The following GNAQ variants were observed in gnomAD, a reference collection of about 807,000 sequenced individuals.
GNAQ encodes guanine nucleotide-binding protein G(q) subunit alpha.
A neutral mutation model predicts 43.9 loss-of-function variants in GNAQ; 8 were observed. The observed-to-expected ratio is 0.18, with a 90% CI of 0.11 to 0.33. The LOEUF (loss-of-function observed/expected upper bound fraction) is 0.33. Ranked by LOEUF, GNAQ falls within the 10% of genes least tolerant of loss-of-function variation. GNAQ has a pLI of 1.00. For synonymous variants in GNAQ, 155 were observed against 170.7 expected (o/e 0.91, Z 0.71); for missense variants, 158 against 450.8 (o/e 0.35, Z 5.88).
intron 1 of GNAQ, among the ~76,000 whole-genome samples, chr9:77,932,317 T>C (rs1829163319): frequency 6.6e-6 from 1 of 152,216 alleles, no homozygotes; most frequent in South Asian, 2.1e-4. Context: ...TCTTCCAGTA[T>C]CAAGGATGCA....
chr9:78,007,006 T>C (rs561194396), intron 1 of GNAQ, among the ~76,000 whole-genome samples: 2 of 152,306 alleles, frequency 1.3e-5, no homozygotes, highest in South Asian at 2.1e-4. Context: ...ACTTAGCCAA[T>C]GCAAGTTCTT....
At chr9:77,757,707 T>A (rs1163775417) in intron 5 of GNAQ, among the ~76,000 whole-genome samples, 1 of 152,226 alleles carries the variant, frequency 6.6e-6, no homozygotes, top group East Asian at 1.9e-4. Context: ...CTACCATAAC[T>A]TTCTGGCTTC....
intron 1 of GNAQ, among the ~76,000 whole-genome samples, chr9:78,021,189 C>T (rs1295700436): frequency 1.3e-5 from 2 of 151,922 alleles, no homozygotes; most frequent in Non-Finnish European, 2.9e-5. Flanking sequence ...CCACGCCCAG[C>T]TAATTTTTGT....
chr9:77,806,031 GCCAGACAGATGCCAGGGCTGGGCT>G (rs1826824746), intron 3 of GNAQ, among the ~76,000 whole-genome samples: 1 of 152,198 alleles, frequency 6.6e-6, no homozygotes, highest in South Asian at 2.1e-4. Context: ...CTAAGTGTCT[GCCAGACAGATGCCAGGGCTGGGCT>G]CACAGCAATA....
At chr9:77,992,592 GT>G (rs1169995100) in intron 1 of GNAQ, among the ~76,000 whole-genome samples, 3 of 151,956 alleles carry the variant, frequency 2.0e-5, no homozygotes, top group Non-Finnish European at 2.9e-5. Flanking sequence ...TCTATAAAAG[GT>G]ATGAAATAAC....
chr9:77,973,654 T>C (rs928381714), intron 1 of GNAQ, among the ~76,000 whole-genome samples: 3 of 152,150 alleles, frequency 2.0e-5, no homozygotes, highest in Non-Finnish European at 2.9e-5. Flanking sequence ...CTGTCTCTAC[T>C]AAAAATACAA....
chr9:77,770,183 T>C (rs757119002), intron 5 of GNAQ, among the ~76,000 whole-genome samples: 2 of 152,220 alleles, frequency 1.3e-5, no homozygotes, highest in Non-Finnish European at 2.9e-5. Context: ...TATGTATGTG[T>C]ATATAATTCA....
chr9:77,860,703 C>T (rs560446069), intron 2 of GNAQ, among the ~76,000 whole-genome samples: 2 of 152,194 alleles, frequency 1.3e-5, no homozygotes, highest in Admixed American at 6.5e-5. Flanking sequence ...GTCCATGGCG[C>T]GGGATGTTCG....
At chr9:77,747,893 T>A (rs1470259839) in intron 5 of GNAQ, among the ~76,000 whole-genome samples, 1 of 152,204 alleles carries the variant, frequency 6.6e-6, no homozygotes, top group East Asian at 1.9e-4. Context: ...GATAAAGACT[T>A]AAGTTTGAAT....
intron 1 of GNAQ, among the ~76,000 whole-genome samples, chr9:77,972,049 T>C (rs1272571347): frequency 6.6e-6 from 1 of 152,124 alleles, no homozygotes; most frequent in Non-Finnish European, 1.5e-5. Flanking sequence ...TAAGGAGATT[T>C]TGGGCTGAGA....
At chr9:77,796,860 T>G (rs766458546) in intron 4 of GNAQ, among the ~76,000 whole-genome samples, 1 of 152,204 alleles carries the variant, frequency 6.6e-6, no homozygotes, top group Non-Finnish European at 1.5e-5. Flanking sequence ...ATAGCTTACA[T>G]AATTCTAAAA....
intron 4 of GNAQ, among the ~76,000 whole-genome samples, chr9:77,795,418 G>A (rs979456239): frequency 3.3e-5 from 5 of 152,240 alleles, no homozygotes; most frequent in African/African-American, 1.2e-4. Flanking sequence ...TGTTGAATCC[G>A]TATCTTGAAT....
intron 2 of GNAQ, among the ~76,000 whole-genome samples, chr9:77,918,002 T>C (rs1005954653): frequency 6.6e-6 from 1 of 152,180 alleles, no homozygotes; most frequent in Non-Finnish European, 1.5e-5. Flanking sequence ...GACTGTGAAC[T>C]GGACTCCCCC....
chr9:77,953,026 T>C (rs1392810838), intron 1 of GNAQ, among the ~76,000 whole-genome samples: 1 of 152,230 alleles, frequency 6.6e-6, no homozygotes, highest in Non-Finnish European at 1.5e-5. Context: ...GATAAAATAA[T>C]ACACTCCAAT....
At chr9:77,947,619 T>A (rs1822920445) in intron 1 of GNAQ, among the ~76,000 whole-genome samples, 1 of 152,080 alleles carries the variant, frequency 6.6e-6, no homozygotes, top group Admixed American at 6.5e-5. Context: ...CCCCTTTATT[T>A]CCCCCACAAC....
intron 1 of GNAQ, among the ~76,000 whole-genome samples, chr9:77,945,408 G>A (rs1822876068): frequency 6.6e-6 from 1 of 152,108 alleles, no homozygotes; most frequent in South Asian, 2.1e-4. Flanking sequence ...TAAATGTACT[G>A]CCTCAGGTTG....
intron 1 of GNAQ, among the ~76,000 whole-genome samples, chr9:77,949,221 C>CCA (rs1168976677): frequency 1.3e-5 from 2 of 152,210 alleles, no homozygotes; most frequent in African/African-American, 4.8e-5. Flanking sequence ...AGAGCAACAG[C>CCA]CACACACCAT....
At chr9:77,925,279 C>T (rs1829054876) in intron 1 of GNAQ, among the ~76,000 whole-genome samples, 2 of 152,144 alleles carry the variant, frequency 1.3e-5, no homozygotes, top group Admixed American at 1.3e-4. Context: ...TGGAGGGCAT[C>T]CTCTCTTTCT....
intron 2 of GNAQ, among the ~76,000 whole-genome samples, chr9:77,843,172 T>C (rs1365151744): frequency 1.3e-5 from 2 of 152,200 alleles, no homozygotes; most frequent in Non-Finnish European, 2.9e-5. Flanking sequence ...TAAACATTAA[T>C]GTGGCACTGA....
Sources: gnomAD v4.1 joint callset for allele counts (sites outside exome capture counted in the v4.1 genomes callset) on GRCh38, gnomAD v4.1.1 for gene constraint, MANE v1.5 for transcripts, NCBI Gene and HGNC (gene_info 2026-07-23, HGNC 2026-07-21) for gene names.